PM20D2: variants seen among roughly 807,000 people sequenced by gnomAD.
PM20D2 encodes the protein xaa-Arg dipeptidase.
PM20D2 carries 33 observed loss-of-function variants against 42.9 expected under a neutral mutation model. The observed-to-expected ratio is 0.77, with a 90% CI of 0.58 to 1.03. The LOEUF (loss-of-function observed/expected upper bound fraction) is 1.03, where lower values mean the gene tolerates loss of function less well. Among genes scored for constraint, PM20D2 ranks in the 50% least tolerant of loss-of-function variants. The pLI, the probability that PM20D2 is intolerant of heterozygous loss-of-function variation, is 0.00. For synonymous variants in PM20D2, 250 were observed against 228.2 expected, an observed-to-expected ratio of 1.10 and a Z score of -0.86; for missense variants, 548 against 557.0, an observed-to-expected ratio of 0.98 and a Z score of 0.16.
At chr6:89,103,898 T>A in the PM20D2 span, among the ~76,000 whole-genome samples, 1 of 152,166 alleles carries the variant, frequency 6.6e-6, no homozygotes, top group Non-Finnish European at 1.5e-5. Context: ...ACTGCCATAC[T>A]TGGAATTTAT....
the PM20D2 span, among the ~76,000 whole-genome samples, chr6:89,100,433 ACT>A: frequency 6.6e-6 from 1 of 152,010 alleles, no homozygotes; most frequent in South Asian, 2.1e-4. Flanking sequence ...ATCTGCCAGT[ACT>A]CTGTCTACCA....
At position 89,163,574 on chromosome 6, in the gene PM20D2, G is replaced by A. The variant is rs1464727230; in HGVS notation, c.*1311G>A. 1.3e-5 allele frequency: 2 copies of A among 152,226 alleles called. No homozygotes were observed. Among genetic ancestry groups the A allele is most frequent in the Non-Finnish European group, 2.9e-5 (2 of 68,144 alleles). 9.4% of individuals were successfully genotyped at this position (152,226 alleles called of 1,614,324 possible). Reference sequence around the variant, plus strand: ...AGCTCACTGCAGTCTCGAACTCCTGGACTCAAGCAGTCCTCCCACCTCAGC... The same window carrying A: ...AGCTCACTGCAGTCTCGAACTCCTGAACTCAAGCAGTCCTCCCACCTCAGC... On this transcript the variant is annotated 3_prime_UTR_variant, in exon 7 of 7. Coordinates refer to ENST00000275072, the MANE Select transcript of PM20D2 (RefSeq NM_001010853.3).
chr6:89,094,966 C>T, the PM20D2 span, among the ~76,000 whole-genome samples: 1 of 152,084 alleles, frequency 6.6e-6, no homozygotes, highest in Non-Finnish European at 1.5e-5. Context: ...ACCATTGGTC[C>T]TTAAACCCTT....
chr6:89,093,969 G>A, the PM20D2 span, among the ~76,000 whole-genome samples: 5 of 132,134 alleles, frequency 3.8e-5, no homozygotes, highest in Admixed American at 4.3e-4. Context: ...TGCCTAAGCG[G>A]GAGTGCAGTT....
At position 89,162,388 on chromosome 6, in the gene PM20D2, G is replaced by A. The variant is rs1771275681; in HGVS notation, c.*125G>A. The A allele has an allele frequency of 9.8e-7, 1 of 1,017,212 alleles. No homozygotes were observed. The highest frequency in any genetic ancestry group is 1.4e-6 in the Non-Finnish European group (1 of 718,452). The allele number at this position is 1,017,212 out of a possible 1,614,324, so 63.0% of individuals were successfully genotyped here. Reference sequence around the variant, plus strand: ...AAATTCTTTTTACCTGATAAGTGAGGACAGGGTGTGGAGAAAACATATTAA... The same window carrying A: ...AAATTCTTTTTACCTGATAAGTGAGAACAGGGTGTGGAGAAAACATATTAA... On this transcript the variant is annotated 3_prime_UTR_variant, in exon 7 of 7. Transcript: ENST00000275072.
chr6:89,142,599 ACTCT>A (rs1770362881), upstream of PM20D2, among the ~76,000 whole-genome samples: 1 of 151,788 alleles, frequency 6.6e-6, no homozygotes, highest in Non-Finnish European at 1.5e-5. Context: ...AAATATCTGC[ACTCT>A]CTCCTTGGAT....
chr6:89,105,650 C>T, the PM20D2 span: 5 of 668,264 alleles, frequency 7.5e-6, no homozygotes, highest in East Asian at 1.4e-4. Flanking sequence ...AAGCTCACAT[C>T]TTCAATATAA....
At chr6:89,139,030 T>C in the PM20D2 span, among the ~76,000 whole-genome samples, 14 of 152,286 alleles carry the variant, frequency 9.2e-5, no homozygotes, top group African/African-American at 2.6e-4. Flanking sequence ...TTAGTTGACA[T>C]AGAAAACTTA....
At chr6:89,146,644 C>T (rs1233375314) in intron 1 of PM20D2, 35 bp downstream of exon 1, 2 of 1,369,734 alleles carry the variant, frequency 1.5e-6, no homozygotes, top group Non-Finnish European at 1.9e-6. Context: ...CCCTATCCGA[C>T]TGCCCGGGTC....
the PM20D2 span, among the ~76,000 whole-genome samples, chr6:89,095,053 G>A: frequency 2.0e-5 from 3 of 151,986 alleles, no homozygotes; most frequent in African/African-American, 7.3e-5. Context: ...CAGTAGTTTG[G>A]CATTTCGCTT....
chr6:89,105,203 C>A, the PM20D2 span: 1 of 1,612,290 alleles, frequency 6.2e-7, no homozygotes. Flanking sequence ...GCTTCTTGAT[C>A]TCCTGTGATC....
chr6:89,126,137 G>A, the PM20D2 span, among the ~76,000 whole-genome samples: 7 of 151,688 alleles, frequency 4.6e-5, no homozygotes, highest in Non-Finnish European at 1.0e-4. Context: ...TCTCATGCCT[G>A]TAGTATCAGC....
the PM20D2 span, chr6:89,105,140 C>G: frequency 1.2e-6 from 2 of 1,612,670 alleles, no homozygotes; most frequent in South Asian, 1.1e-5. Context: ...GTCTGACCGC[C>G]TCCTATTTCT....
the PM20D2 span, among the ~76,000 whole-genome samples, chr6:89,112,463 T>C: frequency 3.4e-5 from 5 of 148,382 alleles, no homozygotes; most frequent in South Asian, 2.1e-4. Flanking sequence ...TTTTTTTTTT[T>C]GGAGACAGGG....
At chr6:89,121,190 CAACTTG>C in the PM20D2 span, among the ~76,000 whole-genome samples, 2 of 152,070 alleles carry the variant, frequency 1.3e-5, no homozygotes, top group African/African-American at 2.4e-5. Flanking sequence ...TTTCTCTTAG[CAACTTG>C]AACTTAAAAG....
At chr6:89,138,876 TAAATAAATAAAC>T in the PM20D2 span, among the ~76,000 whole-genome samples, 2 of 151,960 alleles carry the variant, frequency 1.3e-5, no homozygotes, top group Non-Finnish European at 2.9e-5. Flanking sequence ...GAAAAATAAA[TAAATAAATAAAC>T]AAATAAATAA....
chr6:89,159,335 A>G (rs1461478748), intron 5 of PM20D2, among the ~76,000 whole-genome samples: 3 of 152,230 alleles, frequency 2.0e-5, no homozygotes, highest in African/African-American at 2.4e-5. Flanking sequence ...AGGAGAAGTC[A>G]TGGAAGCCAA....
rs1307750542 is a variant in PM20D2 at position 89,146,372 on chromosome 6, A to T, written c.228A>T (p.Ala76=). Residue 76 remains alanine, a synonymous_variant, in exon 1 of 7, where the codon GCA becomes GCT. Transcript: ENST00000275072. The part of the protein sequence containing the change: ...FEREPPAASW[A]VQPHYQLPTA... Reference sequence around the variant, plus strand: ...GGGAGCCGCCCGCGGCCTCCTGGGCAGTGCAGCCGCACTACCAGCTGCCCA... The same window carrying T: ...GGGAGCCGCCCGCGGCCTCCTGGGCTGTGCAGCCGCACTACCAGCTGCCCA... 6.5e-7 allele frequency: 1 copy of T among 1,539,232 alleles called. No homozygotes were observed. The highest frequency in any genetic ancestry group is 8.7e-7 in the Non-Finnish European group (1 of 1,150,704).
chr6:89,130,913 C>T, the PM20D2 span, among the ~76,000 whole-genome samples: 1 of 130,404 alleles, frequency 7.7e-6, no homozygotes, highest in Non-Finnish European at 1.6e-5. Context: ...TCATAGCTCA[C>T]TGAAGCCTCA....
Sources: allele counts gnomAD v4.1 joint callset (sites outside exome capture counted in the v4.1 genomes callset), GRCh38; gene constraint gnomAD v4.1.1; transcripts MANE v1.5; gene names NCBI Gene and HGNC (gene_info 2026-07-23, HGNC 2026-07-21).